The following DLG2 variants were observed in gnomAD, a reference collection of about 807,000 sequenced individuals.
The protein encoded by DLG2 is disks large homolog 2.
In DLG2, 45 loss-of-function variants were observed where a neutral mutation model predicts 132.5. That is an observed-to-expected ratio of 0.34 (90% CI 0.27 to 0.44). The LOEUF (loss-of-function observed/expected upper bound fraction) is 0.44. Among genes scored for constraint, DLG2 ranks in the 20% least tolerant of loss-of-function variants. DLG2 has a pLI of 1.00. For missense variants in DLG2, 1,045 were observed against 1,196.9 expected (o/e 0.87, Z 1.87); for synonymous variants, 424 against 419.6 (o/e 1.01, Z -0.13).
At chr11:83,791,848 C>T (rs1301682739) in intron 17 of DLG2, among the ~76,000 whole-genome samples, 1 of 152,196 alleles carries the variant, frequency 6.6e-6, no homozygotes, top group Non-Finnish European at 1.5e-5. Context: ...AGTCCTTCTC[C>T]CGCCTCCTTC....
intron 7 of DLG2, among the ~76,000 whole-genome samples, chr11:84,510,220 T>C (rs548027863): frequency 2.2e-4 from 34 of 151,894 alleles, no homozygotes; most frequent in African/African-American, 4.8e-4. Context: ...ATTATCAAAA[T>C]TGGAAAGGAA....
At chr11:84,213,234 T>C (rs1232051532) in intron 8 of DLG2, among the ~76,000 whole-genome samples, 1 of 152,172 alleles carries the variant, frequency 6.6e-6, no homozygotes, top group African/African-American at 2.4e-5. Context: ...TAACCTTCCA[T>C]ACCCTTTGTA....
chr11:84,197,053 A>G (rs12290738), intron 8 of DLG2, among the ~76,000 whole-genome samples: 3,382 of 148,416 alleles, frequency 0.023, 112 homozygotes, highest in African/African-American at 0.072. Flanking sequence ...AAAAAAAAAA[A>G]AAAGAAAGAA....
chr11:85,199,627 T>G (rs553693223), intron 4 of DLG2, among the ~76,000 whole-genome samples: 1 of 152,324 alleles, frequency 6.6e-6, no homozygotes, highest in South Asian at 2.1e-4. Flanking sequence ...CCACTCAAGG[T>G]GATTCTTATG....
intron 3 of DLG2, among the ~76,000 whole-genome samples, chr11:85,513,140 T>C (rs1014414966): frequency 1.3e-5 from 2 of 151,864 alleles, no homozygotes; most frequent in African/African-American, 2.4e-5. Flanking sequence ...GAGCTAAACA[T>C]TGAGTGTACA....
At chr11:85,065,500 C>T (rs1032329306) in intron 6 of DLG2, among the ~76,000 whole-genome samples, 3 of 151,200 alleles carry the variant, frequency 2.0e-5, no homozygotes, top group African/African-American at 7.3e-5. Context: ...AGGCAAATTC[C>T]GGATTTAAAA....
chr11:84,817,618 G>C (rs2077213555), intron 6 of DLG2, among the ~76,000 whole-genome samples: 1 of 151,972 alleles, frequency 6.6e-6, no homozygotes, highest in South Asian at 2.1e-4. Context: ...TATGAGTCTG[G>C]GAGAGAATGA....
intron 8 of DLG2, among the ~76,000 whole-genome samples, chr11:84,183,090 A>T (rs376239820): frequency 6.6e-6 from 1 of 152,186 alleles, no homozygotes; most frequent in Non-Finnish European, 1.5e-5. Flanking sequence ...AAATTGAATC[A>T]ATAATTAATA....
chr11:84,695,832 AGG>A (rs2058557854), intron 6 of DLG2, among the ~76,000 whole-genome samples: 1 of 151,524 alleles, frequency 6.6e-6, no homozygotes. Flanking sequence ...GGAGGTACAG[AGG>A]CTGATACAAG....
intron 27 of DLG2, among the ~76,000 whole-genome samples, chr11:83,460,325 A>G (rs541242195): frequency 1.3e-5 from 2 of 152,288 alleles, no homozygotes; most frequent in African/African-American, 4.8e-5. Flanking sequence ...CAGTCTGTAT[A>G]TTTACTTATT....
chr11:84,659,744 T>G (rs1191141324), intron 6 of DLG2, among the ~76,000 whole-genome samples: 1 of 152,164 alleles, frequency 6.6e-6, no homozygotes, highest in Non-Finnish European at 1.5e-5. Flanking sequence ...AAGACCACCC[T>G]CCTTTCTGAT....
At chr11:83,771,749 T>C (rs1211326769) in intron 18 of DLG2, among the ~76,000 whole-genome samples, 1 of 152,214 alleles carries the variant, frequency 6.6e-6, no homozygotes, top group Non-Finnish European at 1.5e-5. Context: ...ATAAATGGGG[T>C]ATGATTATTT....
intron 6 of DLG2, among the ~76,000 whole-genome samples, chr11:84,666,671 T>C (rs2099700087): frequency 6.6e-6 from 1 of 152,070 alleles, no homozygotes; most frequent in Non-Finnish European, 1.5e-5. Flanking sequence ...TATTTGTACA[T>C]ATAAGTATAT....
intron 18 of DLG2, among the ~76,000 whole-genome samples, chr11:83,702,540 A>G (rs2083146174): frequency 6.6e-6 from 1 of 152,162 alleles, no homozygotes; most frequent in Non-Finnish European, 1.5e-5. Context: ...GGAGAAAGAA[A>G]TGAGTCTGTT....
intron 16 of DLG2, 26 bp from the exon 17 acceptor site, chr11:83,833,796 C>T (rs1477977685): frequency 1.2e-6 from 2 of 1,605,586 alleles, no homozygotes; most frequent in South Asian, 1.1e-5. Flanking sequence ...GAGAACACAG[C>T]TCAGAGGGTG....
chr11:83,795,618 A>G (rs1184915309), intron 17 of DLG2, among the ~76,000 whole-genome samples: 1 of 152,064 alleles, frequency 6.6e-6, no homozygotes, highest in Non-Finnish European at 1.5e-5. Flanking sequence ...TGTGAAGATG[A>G]GTGGTTTACC....
At chr11:84,176,482 A>G (rs2095972283) in intron 8 of DLG2, among the ~76,000 whole-genome samples, 1 of 151,316 alleles carries the variant, frequency 6.6e-6, no homozygotes, top group African/African-American at 2.4e-5. Context: ...ATTCATACAG[A>G]AGACCTGACT....
chr11:84,812,427 C>T (rs1172832264), intron 6 of DLG2, among the ~76,000 whole-genome samples: 1 of 152,016 alleles, frequency 6.6e-6, no homozygotes, highest in East Asian at 1.9e-4. Flanking sequence ...TTTGTGTGCA[C>T]AATAAAATTT....
Position 83,458,380 on chromosome 11 carries a change from A to C in DLG2, c.*1438T>G, listed in dbSNP as rs2089323839. The C allele has an allele frequency of 6.6e-6, 1 of 152,648 alleles. No individual in the cohort carries two copies. The highest frequency in any genetic ancestry group is 6.5e-5 in the Admixed American group (1 of 15,288). The allele number at this position is 152,648 out of a possible 1,614,324, so 9.5% of individuals were successfully genotyped here. On this transcript the variant is annotated 3_prime_UTR_variant, in exon 28 of 28. Coordinates refer to ENST00000376104, the MANE Select transcript of DLG2 (RefSeq NM_001142699.3). ...CTTGGTCCAGGTGCAGCTCCAAGAA[A>C]GGCAGTTCAGTTGGTTGAGCTCAAA...
Sources: gnomAD v4.1 joint callset for allele counts (sites outside exome capture counted in the v4.1 genomes callset) on GRCh38, gnomAD v4.1.1 for gene constraint, MANE v1.5 for transcripts, NCBI Gene and HGNC (gene_info 2026-07-23, HGNC 2026-07-21) for gene names.